The following ANLN variants were observed in gnomAD, a reference collection of about 807,000 sequenced individuals.
ANLN encodes anillin, actin binding protein.
ANLN carries 59 observed loss-of-function variants against 135.1 expected under a neutral mutation model. That is an observed-to-expected ratio of 0.44 (90% CI 0.35 to 0.54). The LOEUF is 0.54. Among genes scored for constraint, ANLN ranks in the 20% least tolerant of loss-of-function variants. The probability of loss-of-function intolerance (pLI) is 0.00; values close to 1 mark genes in which losing one functional copy is unlikely to be tolerated. For synonymous variants in ANLN, 406 were observed against 456.4 expected (o/e 0.89, Z 1.41); for missense variants, 1,182 against 1,340.0 (o/e 0.88, Z 1.84).
intron 1 of ANLN, chr7:36,390,616 A>G (rs1309530891): frequency 6.5e-6 from 1 of 154,328 alleles, no homozygotes; most frequent in Non-Finnish European, 1.4e-5. Context: ...TAACTAACGA[A>G]GAAGTTCATA....
At chr7:36,432,110 T>C (rs1278035868) in intron 20 of ANLN, among the ~76,000 whole-genome samples, 2 of 152,188 alleles carry the variant, frequency 1.3e-5, no homozygotes, top group Non-Finnish European at 2.9e-5. Context: ...TAGCCCTAGC[T>C]ATTCAGAAGG....
chr7:36,400,282 T>C (rs1246904428), intron 3 of ANLN, among the ~76,000 whole-genome samples: 6 of 152,204 alleles, frequency 3.9e-5, no homozygotes, highest in Non-Finnish European at 8.8e-5. Flanking sequence ...AATATGACTT[T>C]GTGGGAGCCG....
chr7:36,425,265 G>A (rs1181946989), intron 17 of ANLN, among the ~76,000 whole-genome samples: 3 of 148,216 alleles, frequency 2.0e-5, no homozygotes, highest in Non-Finnish European at 1.5e-5. Flanking sequence ...GGACTCATGT[G>A]TAATGTATTC....
rs1412721546 is a variant in ANLN at position 36,417,201 on chromosome 7, AT to A, written c.1633+13del. ...TTGAGCAGAAAATTGGTTGGTTTTT[AT>A]TCTTTATTTATTATTAACTTTGCAC... On this transcript the variant is annotated intron_variant, in intron 9 of 23. Transcript: ENST00000265748. The A allele has an allele frequency of 1.4e-6, 2 of 1,477,992 alleles. No homozygotes were observed. Among genetic ancestry groups the A allele is most frequent in the Non-Finnish European group, 1.9e-6 (2 of 1,071,430 alleles). 91.6% of individuals were successfully genotyped at this position (1,477,992 alleles called of 1,614,324 possible).
chr7:36,425,890 A>T, intron 18 of ANLN, 125 bp from the exon 19 acceptor site: 1 of 1,153,482 alleles, frequency 8.7e-7, no homozygotes, highest in Non-Finnish European at 1.2e-6. Flanking sequence ...TTTATGTAGG[A>T]AAAGTGTTTT....
intron 20 of ANLN, among the ~76,000 whole-genome samples, chr7:36,431,992 G>T (rs958367842): frequency 6.6e-6 from 1 of 152,184 alleles, no homozygotes; most frequent in South Asian, 2.1e-4. Context: ...TGGGAGGATC[G>T]TTTAAAGCCA....
At chr7:36,393,623 A>G (rs545696008) in intron 1 of ANLN, among the ~76,000 whole-genome samples, 1 of 152,318 alleles carries the variant, frequency 6.6e-6, no homozygotes, top group Admixed American at 6.5e-5. Context: ...TGGGCCCTAT[A>G]TGTCAAAAGG....
chr7:36,447,175 A>C (rs1789038263), intron 22 of ANLN, among the ~76,000 whole-genome samples: 1 of 152,216 alleles, frequency 6.6e-6, no homozygotes, highest in Non-Finnish European at 1.5e-5. Flanking sequence ...CAACGAAACT[A>C]GCATGAATTT....
chr7:36,419,324 G>A lies in ANLN; in HGVS notation c.1714G>A (p.Val572Ile), dbSNP rs561979557. Residue 572 changes from valine to isoleucine, a missense_variant, in exon 10 of 24, where the codon GTC becomes ATC. Around this residue, in one of 3 missense-constraint regions of ANLN, gnomAD observed 1,022 missense variants for 1,134.0 expected, o/e 0.90. Transcript: ENST00000265748. ...AGTAATTAATGACCTCTTCAGTGAT[G>A]TCCTAGAGGAAGGTGAACTAGATAT... is the stretch of plus-strand genomic sequence containing the variant. ...SKVINDLFSD[V>I]LEEGELDMEK... 1.2e-5 allele frequency: 20 copies of A among 1,614,126 alleles called. No homozygotes were observed. The highest frequency in any genetic ancestry group is 2.2e-5 in the South Asian group (2 of 91,078).
chr7:36,393,701 G>T (rs1206977691), intron 1 of ANLN, among the ~76,000 whole-genome samples: 1 of 152,188 alleles, frequency 6.6e-6, no homozygotes, highest in African/African-American at 2.4e-5. Context: ...GTTCATGGTT[G>T]GTGGTCTTCT....
chr7:36,390,317 G>A (rs1048113688), intron 1 of ANLN: 4 of 527,722 alleles, frequency 7.6e-6, no homozygotes, highest in African/African-American at 1.9e-5. Context: ...TTCAGCCCCC[G>A]TTTTTACCAT....
Position 36,438,941 on chromosome 7 carries a change from A to G in ANLN, c.2884-263A>G, listed in dbSNP as rs187523024. ...TGATGGAGAATAGATAAACCCAAATATTGTCGTCTGTTTTCTTTCTCACAT... is the reference window on the plus strand; with the variant it reads ...TGATGGAGAATAGATAAACCCAAATGTTGTCGTCTGTTTTCTTTCTCACAT... On this transcript the variant is annotated intron_variant, in intron 20 of 23. Coordinates refer to ENST00000265748, the MANE Select transcript of ANLN (RefSeq NM_018685.5). Among the ~76,000 whole-genome samples the G allele has an allele frequency of 7.5e-3, 1,142 of 152,244 alleles. 6 individuals are homozygous for G. The highest frequency in any genetic ancestry group is 0.014 in the Admixed American group (209 of 15,296).
At chr7:36,435,966 G>C (rs886829106) in intron 20 of ANLN, among the ~76,000 whole-genome samples, 4 of 143,060 alleles carry the variant, frequency 2.8e-5, no homozygotes, top group African/African-American at 1.0e-4. Context: ...GTATTGAAAT[G>C]AAATTCATGT....
chr7:36,441,003 A>C (rs1006101495), intron 21 of ANLN, among the ~76,000 whole-genome samples: 1 of 152,174 alleles, frequency 6.6e-6, no homozygotes, highest in African/African-American at 2.4e-5. Context: ...CTTCCCAAGG[A>C]TTGGGAATTG....
Position 36,449,852 on chromosome 7 carries a change from A to G in ANLN, c.3251+15A>G. On this transcript the variant is annotated intron_variant, in intron 23 of 23. Coordinates refer to ENST00000265748, the MANE Select transcript of ANLN (RefSeq NM_018685.5). ...TGTGTTACCAAGTATGTATTGGCCT[A>G]TAAATATTTCTATCAACTAAGCAAT... is the stretch of plus-strand genomic sequence containing the variant. 1 of 1,605,980 alleles carries G rather than the reference A, an allele frequency of 6.2e-7. No individual in the cohort carries two copies. The highest frequency in any genetic ancestry group is 8.5e-7 in the Non-Finnish European group (1 of 1,176,162).
intron 8 of ANLN, 25 bp downstream of exon 8, chr7:36,415,909 G>A (rs184697276): frequency 1.3e-6 from 2 of 1,537,838 alleles, no homozygotes; most frequent in Non-Finnish European, 1.7e-6. Context: ...ATTGTTCATG[G>A]TTAGTATGTA....
In ANLN at chr7:36,420,094, A is replaced by T. The variant is rs1741607844; in HGVS notation, c.1870-75A>T. The T allele has an allele frequency of 1.3e-5, 18 of 1,416,420 alleles. No individual in the cohort carries two copies. The South Asian group carries it at 1.7e-4, about 14-fold the overall frequency. The allele number at this position is 1,416,420 out of a possible 1,614,324, so 87.7% of individuals were successfully genotyped here. A position where few individuals can be genotyped will look rare whatever the true frequency, so the allele number is the denominator to read the frequency against. On this transcript the variant is annotated intron_variant, in intron 10 of 23. Coordinates refer to ENST00000265748, the MANE Select transcript of ANLN (RefSeq NM_018685.5). ...GATTTTTTTCTTAATATTAATGGAG[A>T]ATTCATTGATTTTCACAGAATAAAA...
At chr7:36,396,618 C>A (rs1477434988) in intron 2 of ANLN, among the ~76,000 whole-genome samples, 199 bp downstream of exon 2, 3 of 152,062 alleles carry the variant, frequency 2.0e-5, no homozygotes, top group Admixed American at 6.6e-5. Flanking sequence ...GGAACGGTTT[C>A]TTCTAAAAAA....
chr7:36,449,110 G>C, intron 22 of ANLN: 1 of 152,180 alleles, frequency 6.6e-6, no homozygotes, highest in East Asian at 1.9e-4. Context: ...TGGCTCATGT[G>C]TGCCTATATG....
Sources: allele counts gnomAD v4.1 joint callset (sites outside exome capture counted in the v4.1 genomes callset), GRCh38; gene constraint gnomAD v4.1.1; regional missense constraint gnomAD v4.1.1; transcripts MANE v1.5; gene names NCBI Gene and HGNC (gene_info 2026-07-23, HGNC 2026-07-21).